TMEM132C: variants seen among roughly 807,000 people sequenced by gnomAD.
The protein encoded by TMEM132C is protein phosphatase 1, regulatory subunit 152.
A neutral mutation model predicts 61.4 loss-of-function variants in TMEM132C; 29 were observed. That is an observed-to-expected ratio of 0.47 (90% confidence interval 0.35 to 0.64). TMEM132C has a LOEUF of 0.64. Ranked by LOEUF, TMEM132C falls within the 30% of genes least tolerant of loss-of-function variation. The pLI, the probability that TMEM132C is intolerant of heterozygous loss-of-function variation, is 0.00. For missense variants in TMEM132C, 1,408 were observed against 1,476.9 expected (o/e 0.95, Z 0.76); for synonymous variants, 656 against 633.1 (o/e 1.04, Z -0.54).
chr12:128,621,066 C>G (rs1010238056), intron 4 of TMEM132C, among the ~76,000 whole-genome samples: 1 of 152,016 alleles, frequency 6.6e-6, no homozygotes, highest in Non-Finnish European at 1.5e-5. Flanking sequence ...GGCCTTCTCC[C>G]GTGACTGGTT....
intron 3 of TMEM132C, among the ~76,000 whole-genome samples, chr12:128,612,604 A>G (rs1197124632): frequency 1.3e-5 from 2 of 152,100 alleles, no homozygotes; most frequent in Non-Finnish European, 2.9e-5. Context: ...CAAAATGAGA[A>G]CCTTAATCAC....
intron 1 of TMEM132C, among the ~76,000 whole-genome samples, chr12:128,335,005 G>T (rs1271099084): frequency 6.6e-6 from 1 of 152,158 alleles, no homozygotes; most frequent in Admixed American, 6.5e-5. Context: ...AATAGTTGGA[G>T]ATTTCCATGT....
chr12:128,663,545 C>A (rs1272189549), intron 4 of TMEM132C, among the ~76,000 whole-genome samples: 1 of 152,218 alleles, frequency 6.6e-6, no homozygotes, highest in Non-Finnish European at 1.5e-5. Context: ...TGGGACAAAT[C>A]CCCCATCTCT....
chr12:128,370,201 G>A (rs772508930), intron 1 of TMEM132C, among the ~76,000 whole-genome samples: 21 of 144,070 alleles, frequency 1.5e-4, no homozygotes, highest in Non-Finnish European at 2.6e-4. Flanking sequence ...GCTCAGGTGT[G>A]CAGGGAGATC....
At chr12:128,574,832 T>C (rs567693311) in intron 3 of TMEM132C, among the ~76,000 whole-genome samples, 4 of 152,328 alleles carry the variant, frequency 2.6e-5, no homozygotes, top group African/African-American at 9.6e-5. Flanking sequence ...GAATGCATTC[T>C]CCAGTTGTCC....
chr12:128,516,002 T>A (rs1256398615), intron 2 of TMEM132C, among the ~76,000 whole-genome samples: 1 of 152,142 alleles, frequency 6.6e-6, no homozygotes. Flanking sequence ...TCACCCGCCC[T>A]GTGGTTCGCT....
At chr12:128,336,464 C>T (rs1300619090) in intron 1 of TMEM132C, among the ~76,000 whole-genome samples, 1 of 152,120 alleles carries the variant, frequency 6.6e-6, no homozygotes, top group East Asian at 1.9e-4. Context: ...AGCTGGGACT[C>T]TATATTTAAG....
chr12:128,662,492 C>CA (rs1231133750), intron 4 of TMEM132C, among the ~76,000 whole-genome samples: 1 of 152,204 alleles, frequency 6.6e-6, no homozygotes, highest in Non-Finnish European at 1.5e-5. Context: ...AATTCTCTCT[C>CA]AGGTCCTTGC....
At chr12:128,287,521 A>G (rs1028775651) in intron 1 of TMEM132C, among the ~76,000 whole-genome samples, 3 of 139,968 alleles carry the variant, frequency 2.1e-5, no homozygotes, top group South Asian at 2.3e-4. Flanking sequence ...ATCTATATCT[A>G]TATCTATCTG....
At chr12:128,364,897 C>G (rs964087738) in intron 1 of TMEM132C, among the ~76,000 whole-genome samples, 1 of 152,204 alleles carries the variant, frequency 6.6e-6, no homozygotes, top group African/African-American at 2.4e-5. Flanking sequence ...ATCCCTGGCT[C>G]CCATCTGGAG....
chr12:128,348,160 T>C (rs928873139), intron 1 of TMEM132C, among the ~76,000 whole-genome samples: 1 of 152,254 alleles, frequency 6.6e-6, no homozygotes, highest in Non-Finnish European at 1.5e-5. Context: ...ACTTCCTTTG[T>C]TAAATTGATG....
chr12:128,703,584 G>A (rs767087621), intron 8 of TMEM132C, among the ~76,000 whole-genome samples: 12 of 152,172 alleles, frequency 7.9e-5, no homozygotes, highest in Admixed American at 6.5e-5. Context: ...GAATGGAGGA[G>A]GCTGAAATAT....
intron 4 of TMEM132C, among the ~76,000 whole-genome samples, chr12:128,644,484 G>A (rs921787149): frequency 6.6e-6 from 1 of 152,218 alleles, no homozygotes; most frequent in Non-Finnish European, 1.5e-5. Context: ...CTGGGATGAA[G>A]TAAGTGAAGC....
chr12:128,463,622 G>T (rs1036619218), intron 2 of TMEM132C, among the ~76,000 whole-genome samples: 1 of 152,016 alleles, frequency 6.6e-6, no homozygotes, highest in African/African-American at 2.4e-5. Context: ...CCCAGCCCAT[G>T]CTTCCGTTTT....
chr12:128,370,687 G>T (rs1056166104), intron 1 of TMEM132C, among the ~76,000 whole-genome samples: 1 of 152,126 alleles, frequency 6.6e-6, no homozygotes, highest in Non-Finnish European at 1.5e-5. Flanking sequence ...CTCTAAGCCA[G>T]TGTGAGAGGG....
chr12:128,327,180 G>A (rs1462546819), intron 1 of TMEM132C, among the ~76,000 whole-genome samples: 1 of 149,942 alleles, frequency 6.7e-6, no homozygotes, highest in Non-Finnish European at 1.5e-5. Context: ...AGGAAGACAG[G>A]TAGAAACAAA....
chr12:128,626,753 C>T (rs1954021344), intron 4 of TMEM132C, among the ~76,000 whole-genome samples: 1 of 152,124 alleles, frequency 6.6e-6, no homozygotes, highest in Non-Finnish European at 1.5e-5. Context: ...CCAGTAACTG[C>T]ATTTCAATAC....
intron 1 of TMEM132C, among the ~76,000 whole-genome samples, chr12:128,333,418 G>A (rs1014234368): frequency 1.3e-5 from 2 of 151,858 alleles, no homozygotes; most frequent in Non-Finnish European, 2.9e-5. Context: ...CTGTATGGAT[G>A]AGAGTGTGTG....
chr12:128,450,122 A>G (rs1593057928), intron 2 of TMEM132C, among the ~76,000 whole-genome samples: 2 of 152,344 alleles, frequency 1.3e-5, no homozygotes, highest in Admixed American at 1.3e-4. Context: ...AGTCTATATC[A>G]GTGCTGCCTG....
Sources: gnomAD v4.1 joint callset for allele counts (sites outside exome capture counted in the v4.1 genomes callset) on GRCh38, gnomAD v4.1.1 for gene constraint, MANE v1.5 for transcripts, NCBI Gene and HGNC (gene_info 2026-07-23, HGNC 2026-07-21) for gene names.